Variants in C12orf50 observed in about 807,000 individuals in gnomAD.
C12orf50 encodes the protein zinc finger CCCH-type containing 11D.
C12orf50 carries 35 observed loss-of-function variants against 61.6 expected under a neutral mutation model. That is an observed-to-expected ratio of 0.57 (90% CI 0.43 to 0.75). The LOEUF is 0.75. C12orf50 is among the 30% of genes least tolerant of loss of function. C12orf50 has a pLI of 0.00. For missense variants in C12orf50, 475 were observed against 488.5 expected (o/e 0.97, Z 0.26); for synonymous variants, 178 against 161.5 (o/e 1.10, Z -0.77).
intron 12 of C12orf50, among the ~76,000 whole-genome samples, chr12:87,980,935 G>A (rs2030434002): frequency 6.6e-6 from 1 of 152,094 alleles, no homozygotes; most frequent in Non-Finnish European, 1.5e-5. Flanking sequence ...TGTTGAAAAT[G>A]TTGCTCTGTG....
intron 3 of C12orf50, among the ~76,000 whole-genome samples, chr12:88,008,505 C>A (rs1227440970): frequency 6.6e-6 from 1 of 151,810 alleles, no homozygotes; most frequent in Non-Finnish European, 1.5e-5. Flanking sequence ...CATGTCTTTG[C>A]TATTGTGAAT....
At chr12:87,997,834 C>T (rs1461217319) in intron 4 of C12orf50, among the ~76,000 whole-genome samples, 2 of 152,090 alleles carry the variant, frequency 1.3e-5, no homozygotes, top group Non-Finnish European at 2.9e-5. Flanking sequence ...TATCGTACAA[C>T]AAAAACTTTC....
rs200677856 is a variant in C12orf50, at chr12:87,985,997, G to A, written c.979C>T (p.Arg327Ter). The A allele has an allele frequency of 8.7e-6, 14 of 1,613,690 alleles. No homozygotes were observed. The highest frequency in any genetic ancestry group is 2.2e-5 in the East Asian group (1 of 44,878). ...ATATAGGATGCATTCTCCGCATTTC[G>A]ATTTTTATTATTGCGGTGATAACTC... Reference protein sequence around the residue: ...KMSYHRNNKNRNAENASYIHV... With the variant: ...KMSYHRNNKN The change falls in exon 11 of 13, where the codon CGA (arginine) becomes TGA (stop). Residue 327 changes from arginine to a stop codon, truncating the protein, a stop_gained. Transcript: ENST00000298699. LOFTEE classifies it high-confidence loss of function.
intron 3 of C12orf50, among the ~76,000 whole-genome samples, chr12:88,011,078 C>T (rs148013637): frequency 6.6e-6 from 1 of 152,064 alleles, no homozygotes; most frequent in African/African-American, 2.4e-5. Context: ...CTATGATCAA[C>T]TTTGGGGTGA....
chr12:88,005,445 A>C (rs768671367), intron 3 of C12orf50, among the ~76,000 whole-genome samples: 25 of 152,118 alleles, frequency 1.6e-4, no homozygotes, highest in Admixed American at 9.2e-4. Context: ...CTCTGTTGGT[A>C]TCACACTGAG....
intron 9 of C12orf50, among the ~76,000 whole-genome samples, chr12:87,987,279 T>G (rs1431909270): frequency 6.6e-6 from 1 of 152,132 alleles, no homozygotes; most frequent in Non-Finnish European, 1.5e-5. Context: ...AAGCTCCCAG[T>G]GCAAGGATTT....
chr12:88,008,125 T>C (rs1373961189), intron 3 of C12orf50, among the ~76,000 whole-genome samples: 2 of 152,100 alleles, frequency 1.3e-5, no homozygotes, highest in East Asian at 1.9e-4. Context: ...GGTAAACTTG[T>C]ACCATGGGGG....
intron 3 of C12orf50, 109 bp from the exon 4 acceptor site, chr12:87,998,299 G>A: frequency 1.3e-6 from 1 of 742,120 alleles, no homozygotes; most frequent in Non-Finnish European, 2.0e-6. Context: ...TTTAAAATGT[G>A]TACAATAATA....
At chr12:88,011,346 T>A (rs1277017245) in intron 3 of C12orf50, among the ~76,000 whole-genome samples, 1 of 152,146 alleles carries the variant, frequency 6.6e-6, no homozygotes, top group Non-Finnish European at 1.5e-5. Context: ...CACCATTAGA[T>A]GACATTCAAT....
At position 87,983,133 on chromosome 12, in the gene C12orf50, T is replaced by G. The variant is rs1294425618; in HGVS notation, c.1189A>C (p.Thr397Pro). 1.9e-6 allele frequency: 3 copies of G among 1,602,030 alleles called. No individual in the cohort carries two copies. In the South Asian group the frequency reaches 3.3e-5, roughly 18 times the overall value. ...AWRKRIPFSK[T>P]YSKSEKIYPE... ...TATATCTTTTCACTTTTTGAATATG[T>G]TTTTGAAAAAGGAATTCGTTTTCGC... The change falls in exon 12 of 13, where the codon ACA becomes CCA. Residue 397 changes from threonine to proline, a missense_variant. Thr to Pro is a conservative substitution (Grantham distance 38, BLOSUM62 -1). Coordinates refer to ENST00000298699, the MANE Select transcript of C12orf50 (RefSeq NM_152589.3).
intron 3 of C12orf50, among the ~76,000 whole-genome samples, chr12:88,017,418 C>T (rs1455231047): frequency 6.6e-6 from 1 of 152,176 alleles, no homozygotes; most frequent in African/African-American, 2.4e-5. Flanking sequence ...ACTGTAAGTC[C>T]ATTAAATCTC....
rs553528420 is a variant in C12orf50 at position 88,010,635 on chromosome 12, T to A, written c.134-12445A>T. Among the ~76,000 whole-genome samples the A allele has an allele frequency of 2.6e-5, 4 of 151,550 alleles. No individual in the cohort carries two copies. In the East Asian group the frequency reaches 7.8e-4, roughly 29 times the overall value. On this transcript the variant is annotated intron_variant, in intron 3 of 12. Transcript: ENST00000298699. The stretch of plus-strand genomic sequence containing the variant: ...TTCAACTAAACTTATAATGAAAAAA[T>A]TTAATCAAAAATGTTGTAGTGGATA...
In C12orf50 at chr12:88,022,214, G is replaced by A. The variant is rs970004353; in HGVS notation, c.133+4274C>T. On this transcript the variant is annotated intron_variant, in intron 3 of 12. Transcript: ENST00000298699. ...CATATACAAATCAATAAATGTGACT[G>A]ACTACATAAACAGAACTAAAAGTAA... Among the ~76,000 whole-genome samples the A allele has an allele frequency of 3.3e-5, 5 of 151,498 alleles. No homozygotes were observed. In the South Asian group the frequency reaches 8.3e-4, roughly 25 times the overall value.
chr12:87,998,256 C>T, intron 3 of C12orf50, 66 bp from the exon 4 acceptor site: 1 of 1,239,314 alleles, frequency 8.1e-7, no homozygotes, highest in Admixed American at 2.3e-5. Context: ...ATGTAACAAT[C>T]AATCATTGCC....
chr12:88,000,476 A>G (rs1369481531), intron 3 of C12orf50, among the ~76,000 whole-genome samples: 3 of 151,960 alleles, frequency 2.0e-5, no homozygotes, highest in Non-Finnish European at 4.4e-5. Flanking sequence ...AGGAAGTGTA[A>G]GTCCTCCAAA....
chr12:87,985,945 G>T lies in C12orf50; in HGVS notation c.1031C>A (p.Thr344Asn). 6.2e-7 allele frequency: 1 copy of T among 1,613,904 alleles called. No homozygotes were observed. Among genetic ancestry groups the T allele is most frequent in the Non-Finnish European group, 8.5e-7 (1 of 1,179,882 alleles). Residue 344 changes from threonine (T) to asparagine (N), a missense_variant, in exon 11 of 13, where the codon ACT becomes AAT. Physicochemically the swap from Thr to Asn is moderately conservative, Grantham distance 65. Transcript: ENST00000298699. ...GCGGGAAGGTGCATTCAACGCGACA[G>T]TCCTGACAGCATCTCTTTGAACGTG... is the stretch of plus-strand genomic sequence containing the variant. ...YIHVQRDAVRTVALNAPSRSR... is the reference protein window; with the variant it reads ...YIHVQRDAVRNVALNAPSRSR...
At chr12:88,021,011 A>G (rs1329602339) in intron 3 of C12orf50, among the ~76,000 whole-genome samples, 2 of 152,196 alleles carry the variant, frequency 1.3e-5, no homozygotes, top group African/African-American at 4.8e-5. Flanking sequence ...ACAACATACC[A>G]GATTCTCTGA....
intron 12 of C12orf50, 138 bp downstream of exon 12, chr12:87,982,965 A>G (rs2030587412): frequency 6.7e-6 from 3 of 447,626 alleles, no homozygotes; most frequent in Non-Finnish European, 1.2e-5. Context: ...GATATCTACT[A>G]AACTCCAAGT....
chr12:88,020,774 A>T (rs1401268842), intron 3 of C12orf50, among the ~76,000 whole-genome samples: 2 of 152,056 alleles, frequency 1.3e-5, no homozygotes, highest in African/African-American at 4.8e-5. Context: ...AAAACTGACC[A>T]TACATTTGGA....
Sources: gnomAD v4.1 joint callset for allele counts (sites outside exome capture counted in the v4.1 genomes callset) on GRCh38, gnomAD v4.1.1 for gene constraint, MANE v1.5 for transcripts, NCBI Gene and HGNC (gene_info 2026-07-23, HGNC 2026-07-21) for gene names.